Variants in PDZRN4 observed in about 807,000 individuals in gnomAD.
The protein encoded by PDZRN4 is PDZ domain containing ring finger 4.
Under a neutral mutation model 99.0 loss-of-function variants are expected in PDZRN4, and 70 were observed. That is an observed-to-expected ratio of 0.71 (90% CI 0.58 to 0.86). PDZRN4 has a LOEUF of 0.86. Among genes scored for constraint, PDZRN4 ranks in the 40% least tolerant of loss-of-function variants. The probability of loss-of-function intolerance (pLI) is 0.00; values close to 1 mark genes in which losing one functional copy is unlikely to be tolerated. For missense variants in PDZRN4, 1,474 were observed against 1,331.2 expected, an observed-to-expected ratio of 1.11 and a Z score of -1.67; for synonymous variants, 551 against 501.6, an observed-to-expected ratio of 1.10 and a Z score of -1.32.
At chr12:41,215,344 T>C (rs748687121) in intron 3 of PDZRN4, among the ~76,000 whole-genome samples, 19 of 152,010 alleles carry the variant, frequency 1.2e-4, no homozygotes, top group Admixed American at 9.9e-4. Flanking sequence ...TTGAGGTACT[T>C]GTTAAAAACG....
At chr12:41,556,269 T>A (rs1385132360) in intron 7 of PDZRN4, among the ~76,000 whole-genome samples, 1 of 152,194 alleles carries the variant, frequency 6.6e-6, no homozygotes, top group Admixed American at 6.5e-5. Flanking sequence ...AGTCTAGAAG[T>A]TTGAAGGTGC....
At chr12:41,235,058 C>G (rs1361554967) in intron 3 of PDZRN4, among the ~76,000 whole-genome samples, 2 of 152,108 alleles carry the variant, frequency 1.3e-5, no homozygotes, top group South Asian at 2.1e-4. Context: ...ATTAGAAACA[C>G]CTTTCAGAGC....
At chr12:41,456,387 T>G (rs1286895707) in intron 3 of PDZRN4, among the ~76,000 whole-genome samples, 1 of 152,074 alleles carries the variant, frequency 6.6e-6, no homozygotes, top group Admixed American at 6.5e-5. Flanking sequence ...TTCACTGCCC[T>G]ACCTCATCTT....
rs567074752 is a variant in PDZRN4 at position 41,232,312 on chromosome 12, T to C, written c.843+38124T>C. On this transcript the variant is annotated intron_variant, in intron 3 of 9. Coordinates refer to ENST00000402685, the MANE Select transcript of PDZRN4 (RefSeq NM_001164595.2). Reference sequence around the variant, plus strand: ...TCACCTGCCCTTCAGCAGAGGATGGTAAATAAGGAATGGCATTATTATGCT... The same window carrying C: ...TCACCTGCCCTTCAGCAGAGGATGGCAAATAAGGAATGGCATTATTATGCT... Among the ~76,000 whole-genome samples the C allele has an allele frequency of 6.6e-5, 10 of 152,126 alleles. No homozygotes were observed. The South Asian group carries it at 1.7e-3, about 25-fold the overall frequency.
intron 2 of PDZRN4, 61 bp from the exon 3 acceptor site, chr12:41,194,020 T>C: frequency 1.3e-6 from 1 of 751,978 alleles, no homozygotes; most frequent in Non-Finnish European, 2.3e-6. Flanking sequence ...TGGTAAATTG[T>C]CCCTAATAAT....
intron 6 of PDZRN4, among the ~76,000 whole-genome samples, chr12:41,554,470 A>G (rs1939110344): frequency 6.6e-6 from 1 of 152,162 alleles, no homozygotes; most frequent in Non-Finnish European, 1.5e-5. Context: ...TTGATTGATG[A>G]TTTAAGACTC....
intron 3 of PDZRN4, among the ~76,000 whole-genome samples, chr12:41,359,615 G>T (rs554812366): frequency 2.2e-4 from 34 of 151,882 alleles, no homozygotes; most frequent in Non-Finnish European, 4.6e-4. Context: ...AGATCTGATG[G>T]TTTTATAAAT....
intron 3 of PDZRN4, among the ~76,000 whole-genome samples, chr12:41,231,610 A>G (rs1951030087): frequency 6.6e-6 from 1 of 152,082 alleles, no homozygotes; most frequent in African/African-American, 2.4e-5. Flanking sequence ...TTACTTAGTC[A>G]TTTTTACTGT....
chr12:41,555,860 CT>C, intron 7 of PDZRN4, 100 bp downstream of exon 7: 1 of 959,410 alleles, frequency 1.0e-6, no homozygotes, highest in Non-Finnish European at 1.6e-6. Flanking sequence ...TTTGTCTTTG[CT>C]TTTGGATACT....
rs1565619738 is a variant in PDZRN4, at chr12:41,572,879, G to T, written c.2100G>T (p.Trp700Cys). The change falls in exon 10 of 10, where the codon TGG (tryptophan) becomes TGT (cysteine). Residue 700 changes from tryptophan to cysteine, a missense_variant. By Grantham distance (215) the Trp-to-Cys change is radical. Transcript: ENST00000402685. ...TGACAGACCAGTATGGAGACATCTG[G>T]ACATTGCATGATGGAGGATTCCGGA... Reference protein sequence around the residue: ...QKVTDQYGDIWTLHDGGFRNY... With the variant: ...QKVTDQYGDICTLHDGGFRNY... The T allele has an allele frequency of 1.2e-6, 2 of 1,614,124 alleles. No individual in the cohort carries two copies. Among genetic ancestry groups the T allele is most frequent in the East Asian group, 2.2e-5 (1 of 44,882 alleles).
intron 5 of PDZRN4, among the ~76,000 whole-genome samples, chr12:41,546,277 T>C (rs1938948986): frequency 6.6e-6 from 1 of 152,098 alleles, no homozygotes; most frequent in South Asian, 2.1e-4. Context: ...GAGAACAGGG[T>C]AGTTGAGGAT....
At chr12:41,525,593 G>A (rs1411567660) in intron 5 of PDZRN4, among the ~76,000 whole-genome samples, 1 of 152,020 alleles carries the variant, frequency 6.6e-6, no homozygotes, top group Admixed American at 6.6e-5. Flanking sequence ...ATGTAAGATA[G>A]ATATAGGTAT....
chr12:41,206,694 A>G (rs1310977780), intron 3 of PDZRN4, among the ~76,000 whole-genome samples: 2 of 151,908 alleles, frequency 1.3e-5, no homozygotes, highest in Non-Finnish European at 2.9e-5. Flanking sequence ...CCCTGCTATC[A>G]AAACTCTGTG....
At chr12:41,465,972 G>A (rs1428908367) in intron 3 of PDZRN4, among the ~76,000 whole-genome samples, 1 of 152,040 alleles carries the variant, frequency 6.6e-6, no homozygotes, top group Non-Finnish European at 1.5e-5. Flanking sequence ...CAGTACCACT[G>A]TCTGATAAAA....
chr12:41,528,435 A>G (rs1353296503), intron 5 of PDZRN4, among the ~76,000 whole-genome samples: 1 of 152,174 alleles, frequency 6.6e-6, no homozygotes, highest in Non-Finnish European at 1.5e-5. Context: ...ATTTATGTAT[A>G]TGAACACATT....
At chr12:41,305,657 C>T (rs548647822) in intron 3 of PDZRN4, among the ~76,000 whole-genome samples, 1 of 152,170 alleles carries the variant, frequency 6.6e-6, no homozygotes, top group South Asian at 2.1e-4. Context: ...TAATTACCTC[C>T]AAAAAGCCCT....
At chr12:41,194,282 T>C (rs979759839) in intron 3 of PDZRN4, 94 bp downstream of exon 3, 3 of 684,312 alleles carry the variant, frequency 4.4e-6, no homozygotes, top group Non-Finnish European at 7.7e-6. Context: ...GTGTGGTGCT[T>C]ATTAGAATAT....
At chr12:41,512,431 T>C (rs1592091891) in intron 5 of PDZRN4, among the ~76,000 whole-genome samples, 1 of 151,884 alleles carries the variant, frequency 6.6e-6, no homozygotes, top group Admixed American at 6.6e-5. Context: ...CTAAAGAATA[T>C]AAGAGATCTA....
At chr12:41,487,195 C>T (rs1327840886) in intron 3 of PDZRN4, among the ~76,000 whole-genome samples, 1 of 151,880 alleles carries the variant, frequency 6.6e-6, no homozygotes, top group Non-Finnish European at 1.5e-5. Flanking sequence ...CTGACTTGTT[C>T]ATTGACATTA....
Sources: allele counts gnomAD v4.1 joint callset (sites outside exome capture counted in the v4.1 genomes callset), GRCh38; gene constraint gnomAD v4.1.1; transcripts MANE v1.5; gene names NCBI Gene and HGNC (gene_info 2026-07-23, HGNC 2026-07-21).